The following AFF2 variants were observed in gnomAD, a reference collection of about 807,000 sequenced individuals.
The protein encoded by AFF2 is ALF transcription elongation factor 2, also known as AF4/FMR2 family member 2.
In AFF2, 14 loss-of-function variants were observed where a neutral mutation model predicts 76.9. That is an observed-to-expected ratio of 0.18 (90% CI 0.12 to 0.28). The LOEUF (loss-of-function observed/expected upper bound fraction) is 0.28. AFF2 is among the 10% of genes least tolerant of loss of function. The pLI is 1.00. For synonymous variants in AFF2, 398 were observed against 366.7 expected (o/e 1.09, Z -0.98); for missense variants, 868 against 1,001.1 (o/e 0.87, Z 1.79).
In AFF2 at chrX:148,632,183, G is replaced by A. The variant is rs782605525; in HGVS notation, c.48-19816G>A. 1.1e-4 allele frequency among the ~76,000 whole-genome samples: 12 copies of A among 111,867 alleles called. No individual in the cohort carries two copies. The South Asian group carries it at 4.1e-3, about 38-fold the overall frequency. ...AGAATTTCATTAAAATTTCTTTGAC[G>A]TTAAGCCAAATTTTGAAGTGAATTG... On this transcript the variant is annotated intron_variant, in intron 1 of 20. Coordinates refer to ENST00000370460, the MANE Select transcript of AFF2 (RefSeq NM_002025.4).
At chrX:148,558,800 A>T (rs2053079599) in intron 1 of AFF2, among the ~76,000 whole-genome samples, 1 of 111,997 alleles carries the variant, frequency 8.9e-6, no homozygotes, top group African/African-American at 3.2e-5. Flanking sequence ...AGTAAGAAAG[A>T]GAAAAATAGC....
At chrX:148,832,237 C>A (rs1484214069) in intron 4 of AFF2, among the ~76,000 whole-genome samples, 1 of 112,099 alleles carries the variant, frequency 8.9e-6, no homozygotes, top group African/African-American at 3.2e-5. Context: ...CAATGGAAGT[C>A]AGACACCAAG....
chrX:148,801,128 C>T (rs782717754), intron 3 of AFF2, among the ~76,000 whole-genome samples: 2 of 111,846 alleles, frequency 1.8e-5, no homozygotes, highest in African/African-American at 3.2e-5. Context: ...CCTACTCCTG[C>T]GCTTTCTGCT....
At chrX:148,745,837 C>T (rs1392629799) in intron 3 of AFF2, among the ~76,000 whole-genome samples, 3 of 110,621 alleles carry the variant, frequency 2.7e-5, no homozygotes, top group Middle Eastern at 4.2e-3. Flanking sequence ...CTGCCTCCTG[C>T]GTTCAAGCAA....
intron 3 of AFF2, among the ~76,000 whole-genome samples, chrX:148,782,681 A>G (rs1181977721): frequency 8.9e-6 from 1 of 111,900 alleles, no homozygotes; most frequent in African/African-American, 3.2e-5. Flanking sequence ...TATGTTTAGC[A>G]TAAAATTTAT....
chrX:148,652,794 T>C (rs1231914101), intron 2 of AFF2, among the ~76,000 whole-genome samples: 1 of 111,798 alleles, frequency 8.9e-6, no homozygotes, highest in Non-Finnish European at 1.9e-5. Flanking sequence ...GCTTCTGAAC[T>C]TTCTATTTGG....
chrX:148,577,194 C>A (rs2053298533), intron 1 of AFF2, among the ~76,000 whole-genome samples: 1 of 111,671 alleles, frequency 9.0e-6, no homozygotes, highest in Non-Finnish European at 1.9e-5. Context: ...GTTTCTAGAC[C>A]TGCTCTATTA....
intron 3 of AFF2, among the ~76,000 whole-genome samples, chrX:148,723,689 A>C (rs2055121095): frequency 9.0e-6 from 1 of 110,623 alleles, no homozygotes; most frequent in Non-Finnish European, 1.9e-5. Flanking sequence ...CCTTGACTGG[A>C]AAGATGAAAT....
chrX:148,854,953 C>T (rs1162522416), intron 7 of AFF2, among the ~76,000 whole-genome samples: 1 of 111,488 alleles, frequency 9.0e-6, no homozygotes, highest in African/African-American at 3.3e-5. Flanking sequence ...TAATGCCACA[C>T]ATAGAAAATG....
chrX:148,859,026 A>G (rs2070817227), intron 7 of AFF2, among the ~76,000 whole-genome samples: 1 of 106,902 alleles, frequency 9.4e-6, no homozygotes, highest in Non-Finnish European at 1.9e-5. Flanking sequence ...AACAAAATCA[A>G]TACATTATTA....
intron 3 of AFF2, among the ~76,000 whole-genome samples, chrX:148,686,006 T>C (rs782276520): frequency 4.5e-5 from 5 of 110,671 alleles, no homozygotes; most frequent in Non-Finnish European, 7.6e-5. Context: ...ACCATTTTTC[T>C]TCTTTCTTTT....
rs1405634925 is a variant in AFF2, at chrX:148,999,442, G to T, written c.*8110G>T. ...AAATTTTGTATATTTAAGTGTCATAGAAAATATTTATTGAGTAACTGGGAC... is the reference window on the plus strand; with the variant it reads ...AAATTTTGTATATTTAAGTGTCATATAAAATATTTATTGAGTAACTGGGAC... On this transcript the variant is annotated 3_prime_UTR_variant, in exon 21 of 21. Coordinates refer to ENST00000370460, the MANE Select transcript of AFF2 (RefSeq NM_002025.4). 2 of 112,492 alleles carry T rather than the reference G, an allele frequency of 1.8e-5. No individual in the cohort carries two copies. The highest frequency in any genetic ancestry group is 3.7e-5 in the Non-Finnish European group (2 of 53,339). The allele number at this position is 112,492 out of a possible 1,213,427, so 9.3% of individuals were successfully genotyped here.
chrX:148,724,090 A>G (rs2055127534), intron 3 of AFF2, among the ~76,000 whole-genome samples: 1 of 109,373 alleles, frequency 9.1e-6, no homozygotes, highest in Non-Finnish European at 1.9e-5. Flanking sequence ...TTCCTAGCAA[A>G]CAAAAGACTG....
chrX:148,710,500 T>C (rs1271116243), intron 3 of AFF2, among the ~76,000 whole-genome samples: 2 of 112,128 alleles, frequency 1.8e-5, no homozygotes, highest in African/African-American at 6.5e-5. Context: ...TGGCAAAACA[T>C]ATATGACATC....
intron 1 of AFF2, among the ~76,000 whole-genome samples, chrX:148,579,341 T>C (rs1400067272): frequency 9.0e-6 from 1 of 111,580 alleles, no homozygotes. Context: ...GTAAATAACA[T>C]TGGAGTAGTG....
In AFF2 at chrX:148,825,046, C is replaced by T. The variant is rs782592745; in HGVS notation, c.1087-12601C>T. Among the ~76,000 whole-genome samples, 93 of 110,728 alleles carry T rather than the reference C, an allele frequency of 8.4e-4. 1 individual carries two copies. The highest frequency in any genetic ancestry group is 1.5e-3 in the Non-Finnish European group (82 of 52,916). ...TGACAGACAGAGTGAGACCTCATCT[C>T]TAAAACCACACACACACACATACAC... On this transcript the variant is annotated intron_variant, in intron 4 of 20. Transcript: ENST00000370460.
intron 1 of AFF2, among the ~76,000 whole-genome samples, 178 bp downstream of exon 1, chrX:148,501,322 G>C (rs1406447129): frequency 8.9e-6 from 1 of 112,526 alleles, no homozygotes; most frequent in Non-Finnish European, 1.9e-5. Flanking sequence ...TGCCGGGGTG[G>C]GGGGAGGTGC....
intron 9 of AFF2, among the ~76,000 whole-genome samples, chrX:148,938,905 C>A (rs1193910396): frequency 2.7e-5 from 3 of 111,891 alleles, no homozygotes; most frequent in African/African-American, 9.7e-5. Context: ...GAAAAAAAAT[C>A]TTCTCCCTTT....
At chrX:148,882,022 ACT>A (rs1306504179) in intron 7 of AFF2, among the ~76,000 whole-genome samples, 2 of 111,285 alleles carry the variant, frequency 1.8e-5, no homozygotes, top group Non-Finnish European at 3.8e-5. Flanking sequence ...GTCCATGCTG[ACT>A]CAACCAAGGG....
Sources: allele counts gnomAD v4.1 joint callset (sites outside exome capture counted in the v4.1 genomes callset), GRCh38; gene constraint gnomAD v4.1.1; transcripts MANE v1.5; gene names NCBI Gene and HGNC (gene_info 2026-07-23, HGNC 2026-07-21).